The following COL4A5 variants were observed in gnomAD, a reference collection of about 807,000 sequenced individuals.
COL4A5 encodes the protein collagen type IV alpha 5 chain, also known as collagen alpha-5(IV) chain.
COL4A5 carries 26 observed loss-of-function variants against 130.2 expected under a neutral mutation model. That is an observed-to-expected ratio of 0.20 (90% confidence interval 0.15 to 0.28). COL4A5 has a LOEUF of 0.28. Ranked by LOEUF, COL4A5 falls within the 10% of genes least tolerant of loss-of-function variation. The pLI, the probability that COL4A5 is intolerant of heterozygous loss-of-function variation, is 1.00. For synonymous variants in COL4A5, 496 were observed against 439.6 expected (o/e 1.13, Z -1.60); for missense variants, 1,131 against 1,344.3 (o/e 0.84, Z 2.48).
chrX:108,601,519 C>A, intron 26 of COL4A5, 34 bp downstream of exon 26: 20 of 804,089 alleles, frequency 2.5e-5, no homozygotes, highest in Non-Finnish European at 3.3e-5. Flanking sequence ...GTAACTTCAA[C>A]ACCGATGGCT....
intron 1 of COL4A5, among the ~76,000 whole-genome samples, chrX:108,492,054 C>T (rs185317556): frequency 1.0e-3 from 112 of 111,541 alleles, no homozygotes; most frequent in Middle Eastern, 9.2e-3. Context: ...TCAACATATT[C>T]CTGGTAATTT....
intron 1 of COL4A5, among the ~76,000 whole-genome samples, chrX:108,496,919 A>G (rs898586760): frequency 8.9e-6 from 1 of 111,827 alleles, no homozygotes; most frequent in African/African-American, 3.2e-5. Context: ...GTATAAATCA[A>G]TGTTTATTAG....
chrX:108,469,886 T>A (rs1175510865), intron 1 of COL4A5, among the ~76,000 whole-genome samples: 4 of 111,657 alleles, frequency 3.6e-5, no homozygotes, highest in African/African-American at 6.5e-5. Flanking sequence ...ACACGTGGTA[T>A]CCGGTTTTCT....
chrX:108,448,731 TAAAC>T (rs2064478408), intron 1 of COL4A5, among the ~76,000 whole-genome samples: 2 of 112,191 alleles, frequency 1.8e-5, no homozygotes, highest in Admixed American at 9.5e-5. Flanking sequence ...CTATCTGTCT[TAAAC>T]AATAAAAACA....
chrX:108,468,376 C>A (rs185958275), intron 1 of COL4A5, among the ~76,000 whole-genome samples: 99 of 112,325 alleles, frequency 8.8e-4, no homozygotes, highest in African/African-American at 3.1e-3. Flanking sequence ...AATTACTTAG[C>A]TAAAACTTCC....
Position 108,597,030 on chromosome X carries a change from A to C in COL4A5, c.1549A>C (p.Lys517Gln). ...TGGTTTCCCTGGACAGAAAGGGGAA[A>C]AAGGACAAGCTGGTGCAACTGGTCC... Reference protein sequence around the residue: ...SLGFPGQKGEKGQAGATGPKG... With the variant: ...SLGFPGQKGEQGQAGATGPKG... The change falls in exon 23 of 53, where the codon AAA becomes CAA. Residue 517 changes from lysine to glutamine, a missense_variant. By Grantham distance (53) the Lys-to-Gln change is moderately conservative. Coordinates refer to ENST00000328300, the MANE Select transcript of COL4A5 (RefSeq NM_033380.3). The C allele has an allele frequency of 1.7e-6, 2 of 1,191,730 alleles. No individual in the cohort carries two copies. The highest frequency in any genetic ancestry group is 2.3e-6 in the Non-Finnish European group (2 of 883,461).
At chrX:108,690,137 G>T in intron 49 of COL4A5, 1 of 411,732 alleles carries the variant, frequency 2.4e-6, no homozygotes, top group South Asian at 1.3e-4. Context: ...ACACAACTAT[G>T]ATTAAGAAAA....
intron 25 of COL4A5, among the ~76,000 whole-genome samples, chrX:108,600,602 G>C (rs1295317450): frequency 9.1e-6 from 1 of 109,711 alleles, no homozygotes; most frequent in Non-Finnish European, 1.9e-5. Context: ...GGGGTTTCCA[G>C]AGAAACAGAA....
rs778387521 is a variant in COL4A5 at position 108,506,674 on chromosome X, C to A, written c.82-33072C>A. On this transcript the variant is annotated intron_variant, in intron 1 of 52. Coordinates refer to ENST00000328300, the MANE Select transcript of COL4A5 (RefSeq NM_033380.3). ...GGTGGTAATATTTGCTCGCCCACCA[C>A]TCACCTCCTGCTGTGTGGCCTGGTT... Among the ~76,000 whole-genome samples, 12 of 111,410 alleles carry A rather than the reference C, an allele frequency of 1.1e-4. No homozygotes were observed. The Admixed American group carries it at 1.1e-3, about 11-fold the overall frequency.
intron 1 of COL4A5, among the ~76,000 whole-genome samples, chrX:108,526,646 TTCTTTCTTTCTTTCTTCTTTCTTTC>T (rs2065322117): frequency 8.8e-5 from 6 of 68,165 alleles, no homozygotes; most frequent in African/African-American, 5.0e-4. Flanking sequence ...CTTTCTTTCT[TTCTTTCTTTCTTTCTTCTTTCTTTC>T]TCTTTCTTTC....
chrX:108,671,350 A>T (rs1015195040), intron 42 of COL4A5, among the ~76,000 whole-genome samples: 1 of 111,723 alleles, frequency 9.0e-6, no homozygotes, highest in African/African-American at 3.2e-5. Flanking sequence ...TTATAAAATT[A>T]AAAAAAATAA....
At chrX:108,662,752 A>G (rs181274234) in intron 37 of COL4A5, among the ~76,000 whole-genome samples, 3 of 112,376 alleles carry the variant, frequency 2.7e-5, no homozygotes, top group Non-Finnish European at 3.8e-5. Flanking sequence ...ATGGATAGAA[A>G]GAATCAATAT....
intron 1 of COL4A5, among the ~76,000 whole-genome samples, chrX:108,501,613 G>C (rs2147567694): frequency 8.9e-6 from 1 of 111,851 alleles, no homozygotes; most frequent in East Asian, 2.8e-4. Flanking sequence ...ATTTTCTTTG[G>C]AAAATTTTGG....
At chrX:108,497,872 A>T (rs764020034) in intron 1 of COL4A5, among the ~76,000 whole-genome samples, 1 of 111,589 alleles carries the variant, frequency 9.0e-6, no homozygotes, top group African/African-American at 3.2e-5. Flanking sequence ...ATGTCATTTA[A>T]TAATGAGTTT....
intron 1 of COL4A5, among the ~76,000 whole-genome samples, chrX:108,474,431 A>G (rs1480525827): frequency 8.9e-6 from 1 of 112,003 alleles, no homozygotes; most frequent in African/African-American, 3.2e-5. Context: ...GAAGCAATAG[A>G]TTATACTATG....
Position 108,677,649 on chromosome X carries a change from A to C in COL4A5, c.3942+16A>C. The C allele has an allele frequency of 1.7e-6, 2 of 1,207,634 alleles. No homozygotes were observed. Among genetic ancestry groups the C allele is most frequent in the Non-Finnish European group, 2.2e-6 (2 of 892,300 alleles). On this transcript the variant is annotated intron_variant, in intron 44 of 52. Transcript: ENST00000328300. ...AGGACTCCAGGTAGGAAATGGAAGT[A>C]GATATCTGATGAGAGAAGAATGTGG...
intron 44 of COL4A5, among the ~76,000 whole-genome samples, chrX:108,677,963 A>C (rs1178862901): frequency 8.9e-6 from 1 of 111,953 alleles, no homozygotes; most frequent in Non-Finnish European, 1.9e-5. Flanking sequence ...ATCCACCCAT[A>C]GAGAAGTAAT....
chrX:108,671,783 G>A (rs182940228), intron 42 of COL4A5, among the ~76,000 whole-genome samples: 2 of 111,527 alleles, frequency 1.8e-5, no homozygotes, highest in Non-Finnish European at 3.8e-5. Context: ...ATCAGATATC[G>A]GGGTGAAGGG....
At chrX:108,670,332 A>C in intron 42 of COL4A5, 96 bp downstream of exon 42, 6 of 1,169,733 alleles carry the variant, frequency 5.1e-6, no homozygotes, top group Non-Finnish European at 5.7e-6. Context: ...TTTTAAGAGC[A>C]TATGTGCCAA....
Sources: allele counts gnomAD v4.1 joint callset (sites outside exome capture counted in the v4.1 genomes callset), GRCh38; gene constraint gnomAD v4.1.1; transcripts MANE v1.5; gene names NCBI Gene and HGNC (gene_info 2026-07-23, HGNC 2026-07-21).